MED13: variants seen among roughly 807,000 people sequenced by gnomAD.
The protein encoded by MED13 is mediator complex subunit 13, also known as mediator of RNA polymerase II transcription subunit 13.
A neutral mutation model predicts 225.2 loss-of-function variants in MED13; 23 were observed. The ratio of observed to expected loss-of-function variants is 0.10; its 90% confidence interval spans 0.07 to 0.14. The LOEUF is 0.14. Among genes scored for constraint, MED13 ranks in the 10% least tolerant of loss-of-function variants. MED13 has a pLI of 1.00. For missense variants in MED13, 2,197 were observed against 2,594.5 expected, an observed-to-expected ratio of 0.85 and a Z score of 3.33; for synonymous variants, 942 against 889.2, an observed-to-expected ratio of 1.06 and a Z score of -1.06.
chr17:62,033,223 C>T (rs1483211690), intron 5 of MED13, among the ~76,000 whole-genome samples: 2 of 151,896 alleles, frequency 1.3e-5, no homozygotes, highest in Non-Finnish European at 2.9e-5. Flanking sequence ...GCAGGCAGAG[C>T]ATGCCAAAGT....
At chr17:61,993,421 C>T (rs1176788839) in intron 10 of MED13, among the ~76,000 whole-genome samples, 1 of 150,572 alleles carries the variant, frequency 6.6e-6, no homozygotes, top group African/African-American at 2.4e-5. Flanking sequence ...AGGCTGATCT[C>T]GCTCTCCTGA....
chr17:62,034,406 G>T (rs1472747244), intron 4 of MED13, among the ~76,000 whole-genome samples: 2 of 150,522 alleles, frequency 1.3e-5, no homozygotes, highest in African/African-American at 4.9e-5. Flanking sequence ...AGAACTGCTT[G>T]AACCCGGGAG....
chr17:61,954,768 G>A (rs1422229273), intron 26 of MED13, among the ~76,000 whole-genome samples: 1 of 152,106 alleles, frequency 6.6e-6, no homozygotes, highest in African/African-American at 2.4e-5. Context: ...CAGAGTGAGT[G>A]AGACTCTGTC....
chr17:61,974,196 G>C (rs571113829), intron 16 of MED13, among the ~76,000 whole-genome samples: 2 of 152,032 alleles, frequency 1.3e-5, no homozygotes, highest in Middle Eastern at 3.2e-3. Context: ...CAGACTGCTC[G>C]AGCTTAGGAG....
At chr17:62,034,629 T>C (rs557554967) in intron 4 of MED13, among the ~76,000 whole-genome samples, 8 of 152,034 alleles carry the variant, frequency 5.3e-5, no homozygotes, top group Non-Finnish European at 1.2e-4. Context: ...AAAAACAATA[T>C]AGATATATAA....
intron 16 of MED13, among the ~76,000 whole-genome samples, chr17:61,974,479 A>C (rs1036760833): frequency 2.6e-5 from 4 of 152,184 alleles, no homozygotes; most frequent in Admixed American, 2.6e-4. Context: ...ATGACAAAAT[A>C]ATCTGTATGC....
At chr17:61,957,350 C>G (rs2079955404) in intron 23 of MED13, among the ~76,000 whole-genome samples, 2 of 150,050 alleles carry the variant, frequency 1.3e-5, no homozygotes, top group Admixed American at 6.6e-5. Context: ...GCCCAGTAAA[C>G]TTTTTATTTT....
At chr17:62,016,436 AT>A (rs2080582260) in intron 8 of MED13, among the ~76,000 whole-genome samples, 1 of 152,134 alleles carries the variant, frequency 6.6e-6, no homozygotes, top group Admixed American at 6.6e-5. Flanking sequence ...TAGAAGGTAA[AT>A]TCTTAATATT....
chr17:61,959,922 C>G (rs1243002848), intron 23 of MED13, among the ~76,000 whole-genome samples: 1 of 151,870 alleles, frequency 6.6e-6, no homozygotes, highest in Non-Finnish European at 1.5e-5. Flanking sequence ...GACGGGGTTT[C>G]GCCATGTTGC....
intron 3 of MED13, among the ~76,000 whole-genome samples, chr17:62,041,398 A>G (rs1235750204): frequency 1.8e-4 from 1 of 5,458 alleles, no homozygotes; most frequent in Non-Finnish European, 3.3e-4. Flanking sequence ...AAAATTGAAG[A>G]GCTGCCACTC....
intron 17 of MED13, among the ~76,000 whole-genome samples, chr17:61,970,870 C>CA (rs2080102395): frequency 6.6e-6 from 1 of 151,274 alleles, no homozygotes; most frequent in South Asian, 2.1e-4. Flanking sequence ...ACAAAATATA[C>CA]AAAAATTAGC....
rs551703075 is a variant in MED13, at chr17:62,017,547, A to G, written c.1284-6314T>C. Among the ~76,000 whole-genome samples, 3 of 152,324 alleles carry G rather than the reference A, an allele frequency of 2.0e-5. No homozygotes were observed. The East Asian group carries it at 5.8e-4, about 29-fold the overall frequency. On this transcript the variant is annotated intron_variant, in intron 8 of 29. Coordinates refer to ENST00000397786, the MANE Select transcript of MED13 (RefSeq NM_005121.3). ...TACAGGGGTTCAAAACTATTTTCAT[A>G]ATAGCATCAAAACAGTATCTGACTT...
intron 3 of MED13, among the ~76,000 whole-genome samples, chr17:62,044,286 A>G (rs2080880004): frequency 1.3e-5 from 2 of 152,186 alleles, no homozygotes; most frequent in South Asian, 4.1e-4. Flanking sequence ...TACTGTTTTA[A>G]TTATAAATAT....
chr17:62,005,740 G>C (rs1371685877), intron 9 of MED13: 1 of 152,180 alleles, frequency 6.6e-6, no homozygotes, highest in Non-Finnish European at 1.5e-5. Context: ...TTTTTTAAGA[G>C]ACAGGGTCTC....
At chr17:62,014,628 CTT>C (rs2080545511) in intron 8 of MED13, among the ~76,000 whole-genome samples, 1 of 152,028 alleles carries the variant, frequency 6.6e-6, no homozygotes, top group East Asian at 1.9e-4. Flanking sequence ...GTATATGGCT[CTT>C]GAGTACTTGA....
intron 16 of MED13, among the ~76,000 whole-genome samples, chr17:61,975,572 A>C (rs1337146182): frequency 6.6e-6 from 1 of 152,222 alleles, no homozygotes; most frequent in East Asian, 1.9e-4. Context: ...AGATTAAACC[A>C]GTCAGGTGTG....
chr17:61,968,112 C>A lies in MED13; in HGVS notation c.4114G>T (p.Val1372Phe), dbSNP rs1397459232. Residue 1372 changes from valine to phenylalanine, a missense_variant, in exon 18 of 30, where the codon GTT (valine) becomes TTT (phenylalanine). Transcript: ENST00000397786. Reference protein sequence around the residue: ...PYGSQRDIAYVVLCPENEALL... With the variant: ...PYGSQRDIAYFVLCPENEALL... Reference sequence around the variant, plus strand: ...GCTTCATTTTCTGGACACAGTACAACATAGGCTATATCTCTTTGAGATCCA... The same window carrying A: ...GCTTCATTTTCTGGACACAGTACAAAATAGGCTATATCTCTTTGAGATCCA... The A allele has an allele frequency of 2.5e-6, 4 of 1,613,954 alleles. No homozygotes were observed. The highest frequency in any genetic ancestry group is 3.4e-6 in the Non-Finnish European group (4 of 1,180,006).
intron 9 of MED13, among the ~76,000 whole-genome samples, chr17:62,002,540 G>C (rs2080405935): frequency 1.3e-5 from 2 of 150,024 alleles, no homozygotes. Flanking sequence ...GTAATTCATG[G>C]AATTTATTTT....
At chr17:61,949,271 GCTGGAGTGCAGTGGCATGATCATGGCTCA>G (rs2079876869) in intron 28 of MED13, among the ~76,000 whole-genome samples, 1 of 152,054 alleles carries the variant, frequency 6.6e-6, no homozygotes, top group Non-Finnish European at 1.5e-5. Flanking sequence ...CTGTCACCTA[GCTGGAGTGCAGTGGCATGATCATGGCTCA>G]CTGCAGCCTC....
Sources: allele counts gnomAD v4.1 joint callset (sites outside exome capture counted in the v4.1 genomes callset), GRCh38; gene constraint gnomAD v4.1.1; transcripts MANE v1.5; gene names NCBI Gene and HGNC (gene_info 2026-07-23, HGNC 2026-07-21).